Variants in PARD3B observed in about 807,000 individuals in gnomAD.
PARD3B encodes partitioning defective 3 homolog B.
A neutral mutation model predicts 130.2 loss-of-function variants in PARD3B; 103 were observed. The observed-to-expected ratio is 0.79, with a 90% confidence interval of 0.67 to 0.93. The LOEUF (loss-of-function observed/expected upper bound fraction) is 0.93. PARD3B is among the 40% of genes least tolerant of loss of function. PARD3B has a pLI of 0.00. For synonymous variants in PARD3B, 583 were observed against 553.2 expected, an observed-to-expected ratio of 1.05 and a Z score of -0.76; for missense variants, 1,609 against 1,499.2, an observed-to-expected ratio of 1.07 and a Z score of -1.21.
chr2:205,400,054 G>A (rs1206549776), intron 18 of PARD3B, among the ~76,000 whole-genome samples: 1 of 152,258 alleles, frequency 6.6e-6, no homozygotes, highest in Non-Finnish European at 1.5e-5. Context: ...AAGGCCTCTC[G>A]TGGCACTGTC....
At chr2:204,547,288 C>T (rs1462542885) in intron 1 of PARD3B, among the ~76,000 whole-genome samples, 1 of 152,154 alleles carries the variant, frequency 6.6e-6, no homozygotes, top group Admixed American at 6.5e-5. Context: ...AAAAATTCAG[C>T]TCTGGACAGA....
intron 20 of PARD3B, among the ~76,000 whole-genome samples, chr2:205,485,818 C>T (rs1448767480): frequency 1.3e-5 from 2 of 152,170 alleles, no homozygotes; most frequent in Non-Finnish European, 2.9e-5. Flanking sequence ...CATGCCCAGC[C>T]ACCCTCTCTT....
intron 1 of PARD3B, among the ~76,000 whole-genome samples, chr2:204,568,533 G>A (rs374345002): frequency 1.3e-5 from 2 of 152,258 alleles, no homozygotes; most frequent in African/African-American, 4.8e-5. Flanking sequence ...TAAGGAGGGT[G>A]TATGTATCAG....
At chr2:204,832,881 A>G (rs1008755747) in intron 2 of PARD3B, among the ~76,000 whole-genome samples, 5 of 152,206 alleles carry the variant, frequency 3.3e-5, no homozygotes, top group Non-Finnish European at 5.9e-5. Flanking sequence ...ATAGCACGGT[A>G]TGCTGGGCAC....
At chr2:205,464,486 A>G (rs143575463) in intron 20 of PARD3B, among the ~76,000 whole-genome samples, 1 of 152,262 alleles carries the variant, frequency 6.6e-6, no homozygotes, top group African/African-American at 2.4e-5. Context: ...TTGCAGCCAC[A>G]GTTAAGCACA....
intron 16 of PARD3B, among the ~76,000 whole-genome samples, chr2:205,246,758 A>AT (rs1208980691): frequency 6.6e-6 from 1 of 152,010 alleles, no homozygotes; most frequent in Non-Finnish European, 1.5e-5. Context: ...CAAGATTATG[A>AT]TTTTTTTCCT....
chr2:205,045,512 T>A (rs1575627295), intron 3 of PARD3B, among the ~76,000 whole-genome samples: 1 of 152,022 alleles, frequency 6.6e-6, no homozygotes, highest in African/African-American at 2.4e-5. Context: ...CCTCCCAAAG[T>A]GCTGGGATTA....
chr2:204,750,581 G>A (rs938321729), intron 2 of PARD3B, among the ~76,000 whole-genome samples: 4 of 150,982 alleles, frequency 2.6e-5, no homozygotes, highest in Non-Finnish European at 5.9e-5. Context: ...GTGAAACGCT[G>A]TTTCAAAAAT....
intron 1 of PARD3B, among the ~76,000 whole-genome samples, chr2:204,608,194 G>A (rs750055948): frequency 1.1e-4 from 17 of 152,146 alleles, no homozygotes; most frequent in Non-Finnish European, 2.4e-4. Context: ...AACAGCACAG[G>A]CTTGTGGATT....
intron 11 of PARD3B, among the ~76,000 whole-genome samples, chr2:205,170,929 A>C (rs2035140447): frequency 6.6e-6 from 1 of 152,162 alleles, no homozygotes; most frequent in East Asian, 1.9e-4. Context: ...GACAAGAAAC[A>C]AAGGGAATTG....
intron 18 of PARD3B, among the ~76,000 whole-genome samples, chr2:205,313,691 G>C (rs914347818): frequency 2.0e-5 from 3 of 152,156 alleles, no homozygotes; most frequent in Non-Finnish European, 4.4e-5. Context: ...GAATTACAAA[G>C]AACACTGAAG....
chr2:204,731,613 C>T (rs2039511888), intron 2 of PARD3B, among the ~76,000 whole-genome samples: 1 of 152,080 alleles, frequency 6.6e-6, no homozygotes, highest in African/African-American at 2.4e-5. Flanking sequence ...GAGAACTATG[C>T]TGGGAAGGAC....
At chr2:204,838,169 G>A (rs1296679341) in intron 2 of PARD3B, among the ~76,000 whole-genome samples, 3 of 138,652 alleles carry the variant, frequency 2.2e-5, no homozygotes, top group Admixed American at 2.1e-4. Flanking sequence ...GTTGAATCAG[G>A]TTTTGTTTTC....
At chr2:205,082,248 A>T (rs1031639901) in intron 4 of PARD3B, among the ~76,000 whole-genome samples, 1 of 152,036 alleles carries the variant, frequency 6.6e-6, no homozygotes, top group Non-Finnish European at 1.5e-5. Context: ...GTCCCCCTTT[A>T]TCCACAGGAA....
At chr2:204,853,294 A>G (rs1175363376) in intron 2 of PARD3B, among the ~76,000 whole-genome samples, 1 of 152,214 alleles carries the variant, frequency 6.6e-6, no homozygotes, top group African/African-American at 2.4e-5. Flanking sequence ...ATTAAAATAG[A>G]GGACATCTCA....
chr2:205,113,567 C>G lies in PARD3B; in HGVS notation c.670C>G (p.Leu224Val). ...GIHVVPFFSSLSGRILGLFIR... is the reference protein window; with the variant it reads ...GIHVVPFFSSVSGRILGLFIR... ...ACATGTAGTGCCCTTCTTTTCATCTCTGAGTGGAAGGTAAGATGTTTTTCT... is the reference window on the plus strand; with the variant it reads ...ACATGTAGTGCCCTTCTTTTCATCTGTGAGTGGAAGGTAAGATGTTTTTCT... The change falls in exon 6 of 23, where the codon CTG (leucine) becomes GTG (valine). Residue 224 changes from leucine (L) to valine (V), a missense_variant. By Grantham distance (32) the Leu-to-Val change is conservative. Transcript: ENST00000406610. The G allele has an allele frequency of 6.2e-7, 1 of 1,610,874 alleles. No homozygotes were observed. Among genetic ancestry groups the G allele is most frequent in the Non-Finnish European group, 8.5e-7 (1 of 1,177,718 alleles).
At chr2:205,225,950 T>C (rs2038517728) in intron 15 of PARD3B, among the ~76,000 whole-genome samples, 1 of 152,194 alleles carries the variant, frequency 6.6e-6, no homozygotes, top group South Asian at 2.1e-4. Flanking sequence ...ATTCTGTGGA[T>C]TGTCTCTTCA....
At chr2:205,560,428 T>C (rs965213040) in intron 22 of PARD3B, among the ~76,000 whole-genome samples, 1 of 151,768 alleles carries the variant, frequency 6.6e-6, no homozygotes, top group Non-Finnish European at 1.5e-5. Flanking sequence ...TAGTGTGTAA[T>C]TGCTAGATGA....
chr2:204,884,087 T>C (rs1463429086), intron 2 of PARD3B, among the ~76,000 whole-genome samples: 1 of 152,184 alleles, frequency 6.6e-6, no homozygotes, highest in East Asian at 1.9e-4. Context: ...AAATATTTCA[T>C]CTTTTTCTAG....
Sources: allele counts gnomAD v4.1 joint callset (sites outside exome capture counted in the v4.1 genomes callset), GRCh38; gene constraint gnomAD v4.1.1; transcripts MANE v1.5; gene names NCBI Gene and HGNC (gene_info 2026-07-23, HGNC 2026-07-21).